Variants in U2AF2 observed in about 807,000 individuals in gnomAD.
U2AF2 encodes the protein splicing factor U2AF 65 kDa subunit.
U2AF2 carries 6 observed loss-of-function variants against 52.6 expected under a neutral mutation model. The observed-to-expected ratio is 0.11, with a 90% CI of 0.06 to 0.23. The LOEUF (loss-of-function observed/expected upper bound fraction) is 0.23, where lower values mean the gene tolerates loss of function less well. U2AF2 is among the 10% of genes least tolerant of loss of function. The pLI, the probability that U2AF2 is intolerant of heterozygous loss-of-function variation, is 1.00. For missense variants in U2AF2, 222 were observed against 677.1 expected, an observed-to-expected ratio of 0.33 and a Z score of 7.46; for synonymous variants, 284 against 258.2, an observed-to-expected ratio of 1.10 and a Z score of -0.96.
intron 7 of U2AF2, among the ~76,000 whole-genome samples, chr19:55,665,683 G>C (rs1984505229): frequency 6.6e-6 from 1 of 152,172 alleles, no homozygotes; most frequent in Non-Finnish European, 1.5e-5. Context: ...GAGTCTTGCT[G>C]TGTTGCCCAG....
intron 11 of U2AF2, 22 bp downstream of exon 11, chr19:55,669,714 T>C (rs745940917): frequency 2.5e-6 from 4 of 1,580,562 alleles, no homozygotes; most frequent in South Asian, 1.2e-5. Flanking sequence ...TCGGGCTCAG[T>C]GCTCTCTCAC....
chr19:55,662,560 C>T lies in U2AF2; in HGVS notation c.545C>T (p.Pro182Leu), dbSNP rs1187562700. Residue 182 changes from proline to leucine, a missense_variant, in exon 6 of 12, where the codon CCT becomes CTT. Around this residue, in one of 4 missense-constraint regions of U2AF2, gnomAD observed 35 missense variants for 149.3 expected, o/e 0.23. Coordinates refer to ENST00000308924, the MANE Select transcript of U2AF2 (RefSeq NM_007279.3). ...QMRLGGLTQAPGNPVLAVQIN... is the reference protein window; with the variant it reads ...QMRLGGLTQALGNPVLAVQIN... ...CGCCTGGGGGGGCTGACCCAGGCCCCTGGCAACCCAGTGTTGGCTGTGCAG... is the reference window on the plus strand; with the variant it reads ...CGCCTGGGGGGGCTGACCCAGGCCCTTGGCAACCCAGTGTTGGCTGTGCAG... 1.2e-6 allele frequency: 2 copies of T among 1,613,234 alleles called. No homozygotes were observed. The highest frequency in any genetic ancestry group is 1.7e-6 in the Non-Finnish European group (2 of 1,179,752).
At chr19:55,660,802 C>T (rs1276046945) in intron 4 of U2AF2, among the ~76,000 whole-genome samples, 183 bp downstream of exon 4, 2 of 149,186 alleles carry the variant, frequency 1.3e-5, no homozygotes, top group Admixed American at 1.3e-4. Context: ...ACCAGAGACA[C>T]CCGTGGTTGA....
At position 55,660,523 on chromosome 19, in the gene U2AF2, C is replaced by T; in HGVS notation, c.238C>T (p.Pro80Ser). 1 of 1,580,022 alleles carries T rather than the reference C, an allele frequency of 6.3e-7. No homozygotes were observed. Among genetic ancestry groups the T allele is most frequent in the Non-Finnish European group, 8.6e-7 (1 of 1,159,022 alleles). ...KEEHGGLIRS[P>S]RHEKKKKVRK... ...CCCTCCCACCTCCCCCAGTCGTTCC[C>T]CCCGCCACGAGAAGAAGAAGAAGGT... Residue 80 changes from proline to serine, a missense_variant, in exon 4 of 12, where the codon CCC (proline) becomes TCC (serine). Transcript: ENST00000308924.
chr19:55,662,727 G>T (rs1030522101), intron 6 of U2AF2, 109 bp downstream of exon 6: 11 of 914,794 alleles, frequency 1.2e-5, no homozygotes, highest in Non-Finnish European at 1.5e-5. Context: ...CAGGCCCTCT[G>T]CAGCCTCTTC....
chr19:55,674,584 TTGA>T lies in U2AF2; in HGVS notation c.*518_*520del, dbSNP rs1392232226. 2 of 153,716 alleles carry T rather than the reference TTGA, an allele frequency of 1.3e-5. No individual in the cohort carries two copies. The highest frequency in any genetic ancestry group is 4.8e-5 in the African/African-American group (2 of 41,430). The allele number at this position is 153,716 out of a possible 1,614,324, so 9.5% of individuals were successfully genotyped here. A position where few individuals can be genotyped will look rare whatever the true frequency, so the allele number is the denominator to read the frequency against. The stretch of plus-strand genomic sequence containing the variant: ...GTCCCCTCCTGGGTTTCTTACGTAG[TTGA>T]TTTTTCCTCTTTAGTCTCCCCCGAC... On this transcript the variant is annotated 3_prime_UTR_variant, in exon 12 of 12. Coordinates refer to ENST00000308924, the MANE Select transcript of U2AF2 (RefSeq NM_007279.3).
chr19:55,668,842 C>G lies in U2AF2; in HGVS notation c.945+50C>G. ...GCCGCGTCTGTCCTTCCCTGCCCTG[C>G]GCTGTTGCCAAGCCATGGTCTCCCC... On this transcript the variant is annotated intron_variant, in intron 9 of 11. Transcript: ENST00000308924. The surrounding 1 kb of genome is among the most constrained non-coding windows in gnomAD (Gnocchi z 5.5). 1 of 1,579,202 alleles carries G rather than the reference C, an allele frequency of 6.3e-7. No homozygotes were observed. Among genetic ancestry groups the G allele is most frequent in the Non-Finnish European group, 8.6e-7 (1 of 1,158,972 alleles).
At chr19:55,669,765 CTT>C in intron 11 of U2AF2, 73 bp downstream of exon 11, 1 of 1,485,650 alleles carries the variant, frequency 6.7e-7, no homozygotes, top group Non-Finnish European at 9.0e-7. Flanking sequence ...TTCTTCCTCT[CTT>C]GCTCCCTCAC....
At chr19:55,655,973 A>G (rs889607482) in intron 1 of U2AF2, among the ~76,000 whole-genome samples, 3 of 152,170 alleles carry the variant, frequency 2.0e-5, no homozygotes, top group African/African-American at 7.2e-5. Context: ...TCAGATCTCA[A>G]TATAGAGATA....
intron 7 of U2AF2, among the ~76,000 whole-genome samples, chr19:55,666,652 C>T (rs1984568937): frequency 6.6e-6 from 1 of 152,248 alleles, no homozygotes; most frequent in Admixed American, 6.5e-5. Flanking sequence ...GGGTTCTTCC[C>T]ATTCTACAGA....
At position 55,669,938 on chromosome 19, in the gene U2AF2, C is replaced by T. The variant is rs148312702; in HGVS notation, c.1293+246C>T. Among the ~76,000 whole-genome samples, 992 of 152,332 alleles carry T rather than the reference C, an allele frequency of 6.5e-3. 11 individuals are homozygous for T. Among genetic ancestry groups the T allele is most frequent in the African/African-American group, 0.023 (948 of 41,562 alleles). On this transcript the variant is annotated intron_variant, in intron 11 of 11. Transcript: ENST00000308924. ...TTGTGGCCCTGTGGGGGCCCAAGAC[C>T]TGCAGGCGAGACAGTAGTTGGGGAA...
intron 2 of U2AF2, among the ~76,000 whole-genome samples, 172 bp downstream of exon 2, chr19:55,659,517 A>AT (rs928155670): frequency 7.1e-6 from 1 of 139,942 alleles, no homozygotes; most frequent in African/African-American, 2.7e-5. Flanking sequence ...TTGGATTCCG[A>AT]TTTTTTCCCC....
chr19:55,665,010 G>A (rs182309050), intron 7 of U2AF2, among the ~76,000 whole-genome samples: 4 of 152,186 alleles, frequency 2.6e-5, no homozygotes, highest in Admixed American at 1.3e-4. Flanking sequence ...GAGCCACTGC[G>A]CTCAGCCCAG....
At chr19:55,661,602 CT>C (rs1195503170) in intron 5 of U2AF2, among the ~76,000 whole-genome samples, 1 of 151,540 alleles carries the variant, frequency 6.6e-6, no homozygotes, top group Non-Finnish European at 1.5e-5. Context: ...CGCCTGTCCC[CT>C]ATCCTCTCCC....
chr19:55,660,160 T>G lies in U2AF2; in HGVS notation c.186-17T>G. 1 of 1,594,996 alleles carries G rather than the reference T, an allele frequency of 6.3e-7. No individual in the cohort carries two copies. The highest frequency in any genetic ancestry group is 8.6e-7 in the Non-Finnish European group (1 of 1,167,814). ...CCCCAGTCACCCCTCCCCATACCTT[T>G]CCCTCCCACCCCCCAGCAAACCTTT... On this transcript the variant is annotated splice_polypyrimidine_tract_variant and intron_variant, in intron 2 of 11. Transcript: ENST00000308924.
At chr19:55,660,660 AG>A in intron 4 of U2AF2, 41 bp downstream of exon 4, 1 of 1,570,256 alleles carries the variant, frequency 6.4e-7, no homozygotes, top group Non-Finnish European at 8.7e-7. Context: ...GGGAGGGTAC[AG>A]GGGTTGGGAT....
At chr19:55,661,523 C>T (rs1262575407) in intron 5 of U2AF2, among the ~76,000 whole-genome samples, 1 of 150,132 alleles carries the variant, frequency 6.7e-6, no homozygotes, top group African/African-American at 2.5e-5. Flanking sequence ...CACACACACA[C>T]ACACACACAC....
rs1196426322 is a variant in U2AF2, at chr19:55,659,232, T to C, written c.72T>C (p.His24=). ...NKQERDKENR[H]RKRSHSRSRS... Reference sequence around the variant, plus strand: ...CAGAGCGGGACAAGGAGAACCGGCATCGGAAGCGCAGCCACAGCCGCTCTC... The same window carrying C: ...CAGAGCGGGACAAGGAGAACCGGCACCGGAAGCGCAGCCACAGCCGCTCTC... The change falls in exon 2 of 12, where the codon CAT becomes CAC. Residue 24 remains histidine, a synonymous_variant. Transcript: ENST00000308924. 1 of 1,597,144 alleles carries C rather than the reference T, an allele frequency of 6.3e-7. No individual in the cohort carries two copies. Among genetic ancestry groups the C allele is most frequent in the Non-Finnish European group, 8.5e-7 (1 of 1,170,702 alleles).
At chr19:55,664,715 C>T (rs1984431918) in intron 7 of U2AF2, among the ~76,000 whole-genome samples, 2 of 152,126 alleles carry the variant, frequency 1.3e-5, no homozygotes, top group Admixed American at 1.3e-4. Flanking sequence ...CAGTGCTTTT[C>T]TTTTTGTTGT....
Sources: allele counts gnomAD v4.1 joint callset (sites outside exome capture counted in the v4.1 genomes callset), GRCh38; gene constraint gnomAD v4.1.1; regional missense constraint gnomAD v4.1.1; non-coding constraint Gnocchi (gnomAD v3.1); transcripts MANE v1.5; gene names NCBI Gene and HGNC (gene_info 2026-07-23, HGNC 2026-07-21).